JDP2: variants seen among roughly 807,000 people sequenced by gnomAD.
JDP2 encodes the protein progesterone receptor co-activator.
In JDP2, 9 loss-of-function variants were observed where a neutral mutation model predicts 17.1. The ratio of observed to expected loss-of-function variants is 0.53; its 90% CI spans 0.32 to 0.92. JDP2 has a LOEUF of 0.92. Among genes scored for constraint, JDP2 ranks in the 40% least tolerant of loss-of-function variants. The probability of loss-of-function intolerance (pLI) is 0.04; values close to 1 mark genes in which losing one functional copy is unlikely to be tolerated. For missense variants in JDP2, 179 were observed against 220.0 expected (o/e 0.81, Z 1.18); for synonymous variants, 107 against 95.6 (o/e 1.12, Z -0.69).
At chr14:75,431,492 G>A (rs539850396) in intron 1 of JDP2, among the ~76,000 whole-genome samples, 35 of 152,360 alleles carry the variant, frequency 2.3e-4, no homozygotes, top group Non-Finnish European at 4.6e-4. Flanking sequence ...GATGCTGGCT[G>A]TCTGCCTTGG....
In JDP2 at chr14:75,438,141, C is replaced by G. The variant is rs371180548; in HGVS notation, c.201+20C>G. On this transcript the variant is annotated intron_variant, in intron 2 of 3. Transcript: ENST00000651602. Reference sequence around the variant, plus strand: ...AGTGAGGTGAGCGAGCCTTTTACCCCTGGCAGATTCCAGGTCTGGCCTTAA... The same window carrying G: ...AGTGAGGTGAGCGAGCCTTTTACCCGTGGCAGATTCCAGGTCTGGCCTTAA... The G allele has an allele frequency of 2.6e-5, 41 of 1,570,480 alleles. No individual in the cohort carries two copies. The highest frequency in any genetic ancestry group is 3.6e-5 in the Non-Finnish European group (41 of 1,152,882).
rs1367486458 is a variant in JDP2, at chr14:75,470,358, G to T, written c.*883G>T. 6.6e-6 allele frequency: 1 copy of T among 152,500 alleles called. No homozygotes were observed. Among genetic ancestry groups the T allele is most frequent in the African/African-American group, 2.4e-5 (1 of 41,350 alleles). 9.4% of individuals were successfully genotyped at this position (152,500 alleles called of 1,614,324 possible). A position where few individuals can be genotyped will look rare whatever the true frequency, so the allele number is the denominator to read the frequency against. On this transcript the variant is annotated 3_prime_UTR_variant, in exon 4 of 4. Coordinates refer to ENST00000651602, the MANE Select transcript of JDP2 (RefSeq NM_001135048.2). ...CTAAGTACTGTAGTCTCTGGGTGTC[G>T]GGGGTGGCCAGGGCGGGGGCGGGGT...
intron 2 of JDP2, among the ~76,000 whole-genome samples, chr14:75,441,371 T>G (rs1454710957): frequency 6.6e-6 from 1 of 152,208 alleles, no homozygotes; most frequent in African/African-American, 2.4e-5. Flanking sequence ...ACACATGACG[T>G]TAAACTGTTT....
intron 2 of JDP2, 61 bp downstream of exon 2, chr14:75,438,182 T>C: frequency 1.5e-6 from 2 of 1,308,364 alleles, no homozygotes; most frequent in Non-Finnish European, 2.1e-6. Context: ...CCATGGGACC[T>C]TAACCTTGCT....
chr14:75,467,137 CCTT>C (rs770756570), intron 3 of JDP2, among the ~76,000 whole-genome samples: 6 of 152,200 alleles, frequency 3.9e-5, no homozygotes, highest in African/African-American at 1.4e-4. Context: ...TCTCAACCCA[CCTT>C]CTCACTTTCT....
At chr14:75,458,987 C>G (rs1030440279) in intron 2 of JDP2, among the ~76,000 whole-genome samples, 1 of 152,240 alleles carries the variant, frequency 6.6e-6, no homozygotes, top group African/African-American at 2.4e-5. Context: ...CTTAAACTTT[C>G]TTCCAGCTCT....
At chr14:75,443,446 T>C (rs537737134) in intron 2 of JDP2, among the ~76,000 whole-genome samples, 5 of 152,336 alleles carry the variant, frequency 3.3e-5, no homozygotes, top group African/African-American at 1.2e-4. Context: ...TCATACTTGT[T>C]TGGCAGAGAG....
chr14:75,461,863 G>C (rs1467680011), intron 3 of JDP2, among the ~76,000 whole-genome samples: 1 of 152,220 alleles, frequency 6.6e-6, no homozygotes, highest in Non-Finnish European at 1.5e-5. Context: ...TTGGTTCCCT[G>C]GTGGCTACCA....
chr14:75,433,170 G>A (rs1884889066), intron 1 of JDP2, among the ~76,000 whole-genome samples: 5 of 106,988 alleles, frequency 4.7e-5, no homozygotes, highest in Non-Finnish European at 1.9e-5. Flanking sequence ...ACTCCAGCCT[G>A]GGCAACAAGA....
At chr14:75,464,969 G>A (rs3784011) in intron 3 of JDP2, among the ~76,000 whole-genome samples, 51,067 of 152,004 alleles carry the variant, frequency 0.34, 8,721 homozygotes, top group East Asian at 0.42. Context: ...CACTCCCGTG[G>A]TGCCCTCTGG....
At chr14:75,460,010 G>A (rs1253032218) in intron 2 of JDP2, among the ~76,000 whole-genome samples, 2 of 152,184 alleles carry the variant, frequency 1.3e-5, no homozygotes, top group African/African-American at 2.4e-5. Flanking sequence ...TCTGTAAAAT[G>A]GTACAGTAAT....
chr14:75,440,120 C>T (rs1256488643), intron 2 of JDP2, among the ~76,000 whole-genome samples: 1 of 152,190 alleles, frequency 6.6e-6, no homozygotes, highest in Non-Finnish European at 1.5e-5. Flanking sequence ...GCCCTGTACC[C>T]GACAGTGACG....
At chr14:75,442,753 C>A (rs1355656729) in intron 2 of JDP2, among the ~76,000 whole-genome samples, 1 of 152,156 alleles carries the variant, frequency 6.6e-6, no homozygotes, top group East Asian at 1.9e-4. Flanking sequence ...ACCCAAGGTC[C>A]ATGGAATCAG....
chr14:75,435,054 C>T lies in JDP2; in HGVS notation c.-23-2844C>T, dbSNP rs544680918. Among the ~76,000 whole-genome samples, 16 of 152,358 alleles carry T rather than the reference C, an allele frequency of 1.1e-4. No individual in the cohort carries two copies. In the South Asian group the frequency reaches 2.7e-3, roughly 26 times the overall value. ...CACCTGGAATCACAGCGCTGCTGGC[C>T]GCGTGGCCACATGGTTTGTTCCCGG... On this transcript the variant is annotated intron_variant, in intron 1 of 3. Coordinates refer to ENST00000651602, the MANE Select transcript of JDP2 (RefSeq NM_001135048.2).
At position 75,455,108 on chromosome 14, in the gene JDP2, C is replaced by T. The variant is rs527810924; in HGVS notation, c.202-6318C>T. 2.6e-5 allele frequency among the ~76,000 whole-genome samples: 4 copies of T among 152,234 alleles called. No homozygotes were observed. The South Asian group carries it at 6.2e-4, about 24-fold the overall frequency. On this transcript the variant is annotated intron_variant, in intron 2 of 3. Transcript: ENST00000651602. Reference sequence around the variant, plus strand: ...TAAATGGACTGTGTGAGTCCTTAATCGGCTCCAGGGCAAACTTCTCTGGGC... The same window carrying T: ...TAAATGGACTGTGTGAGTCCTTAATTGGCTCCAGGGCAAACTTCTCTGGGC...
Position 75,469,494 on chromosome 14 carries a change from TGGA to T in JDP2, c.*29_*31del, listed in dbSNP as rs747511420. On this transcript the variant is annotated 3_prime_UTR_variant, in exon 4 of 4. Transcript: ENST00000651602. ...GAAGTGACCATGGGCTGGGAGGAGG[TGGA>T]GGAGGAGGAAGAGGAGAAGGAAAAG... The T allele has an allele frequency of 6.3e-6, 10 of 1,597,854 alleles. No individual in the cohort carries two copies. Among genetic ancestry groups the T allele is most frequent in the Middle Eastern group, 1.7e-4 (1 of 5,858 alleles).
intron 1 of JDP2, among the ~76,000 whole-genome samples, chr14:75,435,325 G>A (rs1019867961): frequency 6.6e-6 from 1 of 152,236 alleles, no homozygotes; most frequent in South Asian, 2.1e-4. Flanking sequence ...CCACATGCGA[G>A]AGGTCTCAGG....
chr14:75,441,210 G>GTTGT (rs1331150099), intron 2 of JDP2, among the ~76,000 whole-genome samples: 3 of 152,192 alleles, frequency 2.0e-5, no homozygotes, highest in Non-Finnish European at 4.4e-5. Context: ...TGGTTCTTGG[G>GTTGT]TTGTTTGCCT....
chr14:75,429,392 C>G (rs1352284828), intron 1 of JDP2, among the ~76,000 whole-genome samples: 1 of 152,086 alleles, frequency 6.6e-6, no homozygotes, highest in Non-Finnish European at 1.5e-5. Flanking sequence ...AGGCTTAAAT[C>G]TTGGTGGTCT....
Sources: gnomAD v4.1 joint callset for allele counts (sites outside exome capture counted in the v4.1 genomes callset) on GRCh38, gnomAD v4.1.1 for gene constraint, MANE v1.5 for transcripts, NCBI Gene and HGNC (gene_info 2026-07-23, HGNC 2026-07-21) for gene names.